Variants in MARCHF6 observed in about 807,000 individuals in gnomAD.
The protein encoded by MARCHF6 is E3 ubiquitin-protein ligase MARCHF6.
In MARCHF6, 31 loss-of-function variants were observed where a neutral mutation model predicts 133.7. That is an observed-to-expected ratio of 0.23 (90% CI 0.17 to 0.31). The LOEUF is 0.31. MARCHF6 is among the 10% of genes least tolerant of loss of function. The pLI, the probability that MARCHF6 is intolerant of heterozygous loss-of-function variation, is 1.00. For missense variants in MARCHF6, 723 were observed against 1,121.6 expected, an observed-to-expected ratio of 0.64 and a Z score of 5.08; for synonymous variants, 395 against 402.5, an observed-to-expected ratio of 0.98 and a Z score of 0.22.
At position 10,381,292 on chromosome 5, in the gene MARCHF6, G is replaced by A. The variant is rs538215996; in HGVS notation, c.191-508G>A. Among the ~76,000 whole-genome samples, 4 of 152,256 alleles carry A rather than the reference G, an allele frequency of 2.6e-5. No individual in the cohort carries two copies. In the South Asian group the frequency reaches 8.3e-4, roughly 32 times the overall value. ...AAATTTTAAGTATTATGCTAACATC[G>A]GGAAAGTGGCTAACAAATGTCAGTG... On this transcript the variant is annotated intron_variant, in intron 3 of 25. Transcript: ENST00000274140.
intron 21 of MARCHF6, 101 bp downstream of exon 21, chr5:10,415,770 A>G (rs1056884612): frequency 2.0e-6 from 2 of 981,370 alleles, no homozygotes; most frequent in African/African-American, 1.6e-5. Context: ...TTTCCTTACT[A>G]TATTGTTTCA....
chr5:10,420,495 C>A (rs1739769785), intron 22 of MARCHF6, among the ~76,000 whole-genome samples: 1 of 152,176 alleles, frequency 6.6e-6, no homozygotes, highest in Non-Finnish European at 1.5e-5. Context: ...AGTACTGCTG[C>A]AAATGGGACA....
rs895473496 is a variant in MARCHF6, at chr5:10,436,832, A to G, written c.*3148A>G. 2.0e-5 allele frequency: 3 copies of G among 152,242 alleles called. No homozygotes were observed. The highest frequency in any genetic ancestry group is 1.9e-4 in the East Asian group (1 of 5,204). The allele number at this position is 152,242 out of a possible 1,614,324, so 9.4% of individuals were successfully genotyped here. A position where few individuals can be genotyped will look rare whatever the true frequency, so the allele number is the denominator to read the frequency against. On this transcript the variant is annotated 3_prime_UTR_variant, in exon 26 of 26. Transcript: ENST00000274140. ...CCCCTCTTAGTACTCTGGAGAAACA[A>G]TGAAGATGGGCCATCTCAATTCCAG...
At position 10,407,184 on chromosome 5, in the gene MARCHF6, A is replaced by G. The variant is rs752215003; in HGVS notation, c.1535A>G (p.Tyr512Cys). 3 of 1,609,164 alleles carry G rather than the reference A, an allele frequency of 1.9e-6. 1 individual carries two copies. The South Asian group carries it at 3.3e-5, about 18-fold the overall frequency. Reference protein sequence around the residue: ...IKSVLPNFLPYNVMLYSDAPV... With the variant: ...IKSVLPNFLPCNVMLYSDAPV... ...AGTGTGCTGCCTAATTTTCTTCCAT[A>G]CAATGTCATGCTCTACAGGTAAGTT... is the stretch of plus-strand genomic sequence containing the variant. The change falls in exon 17 of 26, where the codon TAC becomes TGC. Residue 512 changes from tyrosine (Y) to cysteine (C), a missense_variant. Around this residue, in one of 4 missense-constraint regions of MARCHF6, gnomAD observed 492 missense variants for 699.5 expected, o/e 0.70. Transcript: ENST00000274140.
At chr5:10,371,766 T>C (rs1285253162) in intron 1 of MARCHF6, among the ~76,000 whole-genome samples, 1 of 152,204 alleles carries the variant, frequency 6.6e-6, no homozygotes, top group Non-Finnish European at 1.5e-5. Context: ...TTTATACTTT[T>C]TTTTCTTTGA....
chr5:10,390,192 T>G, intron 5 of MARCHF6, 140 bp from the exon 6 acceptor site: 1 of 681,354 alleles, frequency 1.5e-6, no homozygotes, highest in East Asian at 2.7e-5. Context: ...AAACTTGAGA[T>G]TTTCATCCAA....
At chr5:10,405,442 G>A (rs775798032) in intron 15 of MARCHF6, 116 bp from the exon 16 acceptor site, 17 of 800,948 alleles carry the variant, frequency 2.1e-5, no homozygotes, top group Non-Finnish European at 3.1e-5. Context: ...ATTTTCTGGG[G>A]CCCACTTTAG....
chr5:10,376,142 A>G (rs1317613738), intron 1 of MARCHF6, among the ~76,000 whole-genome samples: 1 of 152,234 alleles, frequency 6.6e-6, no homozygotes, highest in South Asian at 2.1e-4. Flanking sequence ...ACACTGTGGA[A>G]GCTTTGTTCT....
chr5:10,436,407 AC>A lies in MARCHF6; in HGVS notation c.*2725del, dbSNP rs1561160322. 1 of 152,328 alleles carries A rather than the reference AC, an allele frequency of 6.6e-6. No homozygotes were observed. Among genetic ancestry groups the A allele is most frequent in the East Asian group, 1.9e-4 (1 of 5,196 alleles). The allele number at this position is 152,328 out of a possible 1,614,324, so 9.4% of individuals were successfully genotyped here. ...GGTAGCATCCGGGTTTTAGTATTTA[AC>A]CAAGAGCCTTTTAAATATTGAAAAC... On this transcript the variant is annotated 3_prime_UTR_variant, in exon 26 of 26. Transcript: ENST00000274140.
chr5:10,431,651 G>A (rs1399788425), intron 25 of MARCHF6, among the ~76,000 whole-genome samples: 1 of 148,300 alleles, frequency 6.7e-6, no homozygotes, highest in Non-Finnish European at 1.5e-5. Flanking sequence ...GTGTGTGTGT[G>A]AGAGTGTATG....
chr5:10,391,388 C>T (rs1335483697), intron 6 of MARCHF6, among the ~76,000 whole-genome samples, 154 bp from the exon 7 acceptor site: 1 of 151,164 alleles, frequency 6.6e-6, no homozygotes, highest in Non-Finnish European at 1.5e-5. Context: ...CTGCCTCAGC[C>T]TCCCAAAGTG....
intron 22 of MARCHF6, among the ~76,000 whole-genome samples, chr5:10,419,049 C>T (rs1192401181): frequency 6.6e-6 from 1 of 152,106 alleles, no homozygotes; most frequent in Non-Finnish European, 1.5e-5. Flanking sequence ...ACAAGGCATG[C>T]ATATGTGGGG....
chr5:10,369,940 C>T (rs931270084), intron 1 of MARCHF6, among the ~76,000 whole-genome samples: 1 of 151,704 alleles, frequency 6.6e-6, no homozygotes, highest in African/African-American at 2.4e-5. Context: ...AGGATGAAAC[C>T]GTTATACATA....
chr5:10,391,575 G>A lies in MARCHF6; in HGVS notation c.610G>A (p.Ala204Thr). ...PAGGNGAENVAADQPANPPAE... is the reference protein window; with the variant it reads ...PAGGNGAENVTADQPANPPAE... ...AGGAGGAAATGGTGCAGAAAATGTT[G>A]CTGCTGATCAGCCTGCTAACCCACC... Residue 204 changes from alanine (A) to threonine (T), a missense_variant, in exon 7 of 26, where the codon GCT (alanine) becomes ACT (threonine). Ala to Thr is a moderately conservative substitution (Grantham distance 58). Around this residue, in one of 4 missense-constraint regions of MARCHF6, gnomAD observed 97 missense variants for 115.4 expected, o/e 0.84. Coordinates refer to ENST00000274140, the MANE Select transcript of MARCHF6 (RefSeq NM_005885.4). 1 of 1,606,668 alleles carries A rather than the reference G, an allele frequency of 6.2e-7. No individual in the cohort carries two copies.
At chr5:10,369,584 G>A (rs1421602174) in intron 1 of MARCHF6, among the ~76,000 whole-genome samples, 1 of 147,400 alleles carries the variant, frequency 6.8e-6, no homozygotes, top group African/African-American at 2.5e-5. Flanking sequence ...GCACAGTCAA[G>A]GTATAGAATA....
Position 10,436,644 on chromosome 5 carries a change from G to A in MARCHF6, c.*2960G>A, listed in dbSNP as rs966844346. The A allele has an allele frequency of 6.6e-6, 1 of 152,156 alleles. No individual in the cohort carries two copies. The highest frequency in any genetic ancestry group is 2.4e-5 in the African/African-American group (1 of 41,448). 9.4% of individuals were successfully genotyped at this position (152,156 alleles called of 1,614,324 possible). A position where few individuals can be genotyped will look rare whatever the true frequency, so the allele number is the denominator to read the frequency against. ...GTTTTACATGACCAGTTATCAAACGGTCATAGTATGAAGTGTGCAGTTGTT... is the reference window on the plus strand; with the variant it reads ...GTTTTACATGACCAGTTATCAAACGATCATAGTATGAAGTGTGCAGTTGTT... On this transcript the variant is annotated 3_prime_UTR_variant, in exon 26 of 26. Coordinates refer to ENST00000274140, the MANE Select transcript of MARCHF6 (RefSeq NM_005885.4).
At chr5:10,366,268 A>G (rs1305448720) in intron 1 of MARCHF6, among the ~76,000 whole-genome samples, 1 of 152,198 alleles carries the variant, frequency 6.6e-6, no homozygotes. Context: ...CATATAGTGA[A>G]TGTGCACCAT....
At chr5:10,418,785 G>C (rs1739675383) in intron 22 of MARCHF6, among the ~76,000 whole-genome samples, 1 of 152,198 alleles carries the variant, frequency 6.6e-6, no homozygotes, top group Non-Finnish European at 1.5e-5. Context: ...GGCTAGTGCA[G>C]TAATTTTCCT....
chr5:10,430,103 A>T (rs1407057495), intron 25 of MARCHF6, 75 bp downstream of exon 25: 2 of 1,489,938 alleles, frequency 1.3e-6, no homozygotes, highest in South Asian at 1.2e-5. Flanking sequence ...GTGACAAATC[A>T]TAGGAGGGAA....
Sources: allele counts gnomAD v4.1 joint callset (sites outside exome capture counted in the v4.1 genomes callset), GRCh38; gene constraint gnomAD v4.1.1; regional missense constraint gnomAD v4.1.1; transcripts MANE v1.5; gene names NCBI Gene and HGNC (gene_info 2026-07-23, HGNC 2026-07-21).